Variants in KDM4B observed in about 807,000 individuals in gnomAD.
KDM4B encodes lysine demethylase 4B.
Under a neutral mutation model 125.2 loss-of-function variants are expected in KDM4B, and 32 were observed. That is an observed-to-expected ratio of 0.26 (90% CI 0.19 to 0.34). The LOEUF is 0.34. Ranked by LOEUF, KDM4B falls within the 10% of genes least tolerant of loss-of-function variation. The pLI is 1.00. For synonymous variants in KDM4B, 721 were observed against 677.9 expected (o/e 1.06, Z -0.99); for missense variants, 1,190 against 1,577.7 (o/e 0.75, Z 4.16).
rs182179698 is a variant in KDM4B at position 5,081,818 on chromosome 19, C to T, written c.781-549C>T. Among the ~76,000 whole-genome samples the T allele has an allele frequency of 2.4e-3, 366 of 152,266 alleles. 3 individuals are homozygous for T. The highest frequency in any genetic ancestry group is 8.6e-3 in the African/African-American group (359 of 41,544). ...TGTTTTGCGCGTGCAGTGGTGGTTC[C>T]TTTCTCATGCGAGGGCAGAAGGTGT... On this transcript the variant is annotated intron_variant, in intron 8 of 22. Coordinates refer to ENST00000159111, the MANE Select transcript of KDM4B (RefSeq NM_015015.3). The surrounding 1 kb of genome is among the most constrained non-coding windows in gnomAD (Gnocchi z 4.2).
chr19:5,000,444 T>C (rs2035350520), intron 1 of KDM4B, among the ~76,000 whole-genome samples: 1 of 151,770 alleles, frequency 6.6e-6, no homozygotes, highest in South Asian at 2.1e-4. Flanking sequence ...CATCCATCCA[T>C]CCATCCATCC....
At chr19:5,002,312 C>G (rs1008172737) in intron 1 of KDM4B, among the ~76,000 whole-genome samples, 1 of 151,902 alleles carries the variant, frequency 6.6e-6, no homozygotes, top group Non-Finnish European at 1.5e-5. Context: ...TATTTTCCCT[C>G]GGTCTCTGGA....
At chr19:5,053,074 TG>T (rs1428554409) in intron 6 of KDM4B, among the ~76,000 whole-genome samples, 2 of 152,216 alleles carry the variant, frequency 1.3e-5, no homozygotes, top group Admixed American at 1.3e-4. Context: ...AGCTGAGCAC[TG>T]GGTTGAAATG....
chr19:5,106,613 G>C (rs146035152), intron 9 of KDM4B, among the ~76,000 whole-genome samples: 1 of 152,206 alleles, frequency 6.6e-6, no homozygotes, highest in South Asian at 2.1e-4. Context: ...TGTCTCCTGC[G>C]TGCAGGAGCA....
intron 6 of KDM4B, among the ~76,000 whole-genome samples, chr19:5,053,461 G>A (rs2145735379): frequency 1.3e-5 from 2 of 152,368 alleles, no homozygotes; most frequent in Middle Eastern, 6.8e-3. Flanking sequence ...GATCAGACCA[G>A]TAGGGAGGCA....
intron 9 of KDM4B, among the ~76,000 whole-genome samples, chr19:5,104,903 G>A (rs2039005739): frequency 6.6e-6 from 1 of 152,178 alleles, no homozygotes; most frequent in Non-Finnish European, 1.5e-5. Context: ...CCATGTATGA[G>A]TGTCTGGGCT....
At chr19:4,977,702 C>G (rs1451204677) in intron 1 of KDM4B, among the ~76,000 whole-genome samples, 1 of 152,210 alleles carries the variant, frequency 6.6e-6, no homozygotes, top group Admixed American at 6.5e-5. Flanking sequence ...CCTGAAACTA[C>G]CCACGGGTGC....
chr19:5,061,354 C>T (rs1291460654), intron 6 of KDM4B, among the ~76,000 whole-genome samples: 1 of 152,192 alleles, frequency 6.6e-6, no homozygotes, highest in Non-Finnish European at 1.5e-5. Context: ...TTTAAGATAC[C>T]AAATTCCATC....
At chr19:4,974,865 C>A (rs576184644) in intron 1 of KDM4B, among the ~76,000 whole-genome samples, 2 of 151,950 alleles carry the variant, frequency 1.3e-5, no homozygotes, top group African/African-American at 4.8e-5. Flanking sequence ...TGGGCCCTTT[C>A]GCGTGGCCCC....
In KDM4B at chr19:5,135,392, G is replaced by A. The variant is rs558725727; in HGVS notation, c.2139G>A (p.Pro713=). 6.8e-6 allele frequency: 11 copies of A among 1,613,594 alleles called. No homozygotes were observed. The highest frequency in any genetic ancestry group is 3.3e-5 in the South Asian group (3 of 91,088). The change falls in exon 15 of 23, where the codon CCG becomes CCA. Residue 713 remains proline (P), a synonymous_variant. Transcript: ENST00000159111. ...TAGCCTCCCTCGGAGAGGGCTGCCC[G>A]GCCACATTACCCTCCAAAAGCCGTC... ...APIASLGEGC[P]ATLPSKSRQK...
At chr19:5,087,577 G>C (rs1044781052) in intron 9 of KDM4B, among the ~76,000 whole-genome samples, 1 of 152,224 alleles carries the variant, frequency 6.6e-6, no homozygotes, top group Non-Finnish European at 1.5e-5. Context: ...GGGTGGGGTA[G>C]GTAGTGCCAG....
rs114994388 is a variant in KDM4B at position 5,059,167 on chromosome 19, C to T, written c.626+11498C>T. 3.1e-3 allele frequency among the ~76,000 whole-genome samples: 467 copies of T among 152,294 alleles called. 3 individuals are homozygous for T. Among genetic ancestry groups the T allele is most frequent in the African/African-American group, 0.011 (437 of 41,558 alleles). ...CCATGGCAAATTTCTCTCCCTTCGG[C>T]GAGGCTGCTGCCGGCGGGGTTCAGC... On this transcript the variant is annotated intron_variant, in intron 6 of 22. Coordinates refer to ENST00000159111, the MANE Select transcript of KDM4B (RefSeq NM_015015.3).
intron 9 of KDM4B, among the ~76,000 whole-genome samples, chr19:5,085,365 C>T (rs1452445804): frequency 1.3e-5 from 2 of 152,140 alleles, no homozygotes; most frequent in African/African-American, 2.4e-5. Context: ...TTTGTGCTGC[C>T]GTGAGGACAC....
intron 6 of KDM4B, among the ~76,000 whole-genome samples, chr19:5,051,471 T>G (rs2037221209): frequency 6.6e-6 from 1 of 152,258 alleles, no homozygotes; most frequent in Non-Finnish European, 1.5e-5. Flanking sequence ...GCTTTGGCTC[T>G]CACTGCAGCA....
At chr19:5,065,524 G>A (rs1042888226) in intron 6 of KDM4B, among the ~76,000 whole-genome samples, 1 of 152,222 alleles carries the variant, frequency 6.6e-6, no homozygotes, top group African/African-American at 2.4e-5. Context: ...GGCTTTTATA[G>A]TCTGATAATT....
At chr19:5,139,812 T>C (rs1206103507) in intron 18 of KDM4B, among the ~76,000 whole-genome samples, 1 of 152,236 alleles carries the variant, frequency 6.6e-6, no homozygotes, top group African/African-American at 2.4e-5. Flanking sequence ...TGCTCCACTC[T>C]TGGTGCACAT....
chr19:5,088,281 C>T (rs2038571533), intron 9 of KDM4B, among the ~76,000 whole-genome samples: 1 of 152,326 alleles, frequency 6.6e-6, no homozygotes, highest in East Asian at 1.9e-4. Context: ...GCCAGATGCG[C>T]TCACATCCAG....
chr19:5,042,187 T>A (rs2036840790), intron 5 of KDM4B, among the ~76,000 whole-genome samples: 1 of 152,232 alleles, frequency 6.6e-6, no homozygotes, highest in South Asian at 2.1e-4. Flanking sequence ...TCTGGATTAG[T>A]CTGTTCTTGC....
chr19:5,065,812 G>A (rs2037750898), intron 6 of KDM4B, among the ~76,000 whole-genome samples: 1 of 152,228 alleles, frequency 6.6e-6, no homozygotes, highest in Non-Finnish European at 1.5e-5. Context: ...CCATGGCAAA[G>A]GTTCGCCCAC....
Sources: allele counts gnomAD v4.1 joint callset (sites outside exome capture counted in the v4.1 genomes callset), GRCh38; gene constraint gnomAD v4.1.1; non-coding constraint Gnocchi (gnomAD v3.1); transcripts MANE v1.5; gene names NCBI Gene and HGNC (gene_info 2026-07-23, HGNC 2026-07-21).